Variants in GALNT13 observed in about 807,000 individuals in gnomAD.
GALNT13 encodes polypeptide N-acetylgalactosaminyltransferase 13, also known as UDP-GalNAc:polypeptide N-acetylgalactosaminyltransferase 13.
GALNT13 carries 28 observed loss-of-function variants against 64.2 expected under a neutral mutation model. The observed-to-expected ratio is 0.44, with a 90% CI of 0.32 to 0.60. The LOEUF (loss-of-function observed/expected upper bound fraction) is 0.60, where lower values mean the gene tolerates loss of function less well. GALNT13 is among the 20% of genes least tolerant of loss of function. The pLI, the probability that GALNT13 is intolerant of heterozygous loss-of-function variation, is 0.05. For synonymous variants in GALNT13, 214 were observed against 224.6 expected (o/e 0.95, Z 0.42); for missense variants, 577 against 669.8 (o/e 0.86, Z 1.53).
At chr2:154,374,754 A>T (rs1320437682) in intron 9 of GALNT13, among the ~76,000 whole-genome samples, 1 of 152,168 alleles carries the variant, frequency 6.6e-6, no homozygotes, top group East Asian at 1.9e-4. Flanking sequence ...TGAGGTTTGA[A>T]CTGACAAACC....
chr2:153,757,001 TG>T, the GALNT13 span, among the ~76,000 whole-genome samples: 1 of 152,212 alleles, frequency 6.6e-6, no homozygotes, highest in Admixed American at 6.5e-5. Context: ...TATTTATTTT[TG>T]TTAGCTATTG....
At position 154,349,616 on chromosome 2, in the gene GALNT13, A is replaced by G. The variant is rs147806687; in HGVS notation, c.1157-46375A>G. Among the ~76,000 whole-genome samples the G allele has an allele frequency of 1.9e-3, 288 of 152,336 alleles. 1 individual carries two copies. Among genetic ancestry groups the G allele is most frequent in the African/African-American group, 6.7e-3 (277 of 41,578 alleles). ...TGGCAATTTACTATGATATCATTCA[A>G]ATTGGGAAAGGCCCTAGAAATGGAT... is the stretch of plus-strand genomic sequence containing the variant. On this transcript the variant is annotated intron_variant, in intron 9 of 12. Coordinates refer to ENST00000392825, the MANE Select transcript of GALNT13 (RefSeq NM_052917.4).
the GALNT13 span, among the ~76,000 whole-genome samples, chr2:153,595,350 C>A: frequency 1.3e-5 from 2 of 150,994 alleles, no homozygotes; most frequent in African/African-American, 2.4e-5. Flanking sequence ...ATGAAATGAC[C>A]AAATTTAAAT....
the GALNT13 span, among the ~76,000 whole-genome samples, chr2:153,428,141 G>C: frequency 6.6e-6 from 1 of 152,188 alleles, no homozygotes; most frequent in Non-Finnish European, 1.5e-5. Flanking sequence ...CAGTGGGCAA[G>C]GTTGCTGTAT....
chr2:153,277,908 C>CTTTTCTTTTTTTTT, the GALNT13 span, among the ~76,000 whole-genome samples: 8 of 69,588 alleles, frequency 1.1e-4, no homozygotes, highest in Non-Finnish European at 2.6e-4. Context: ...TTTCTTTTTT[C>CTTTTCTTTTTTTTT]TTTTGTTTTC....
chr2:154,249,081 C>A (rs1000686896), intron 7 of GALNT13, among the ~76,000 whole-genome samples: 1 of 152,028 alleles, frequency 6.6e-6, no homozygotes, highest in South Asian at 2.1e-4. Context: ...AGCAAAGTTA[C>A]CTGATAATGC....
the GALNT13 span, among the ~76,000 whole-genome samples, chr2:153,163,009 G>C: frequency 1.3e-5 from 2 of 152,212 alleles, no homozygotes; most frequent in East Asian, 3.9e-4. Flanking sequence ...CAGAAGAAGA[G>C]GCATTTGCAA....
chr2:153,160,983 G>T, the GALNT13 span, among the ~76,000 whole-genome samples: 2 of 152,124 alleles, frequency 1.3e-5, no homozygotes, highest in African/African-American at 4.8e-5. Context: ...TCTATGCAAG[G>T]TAGGGTTGGC....
At chr2:154,255,354 A>T (rs1433610569) in intron 7 of GALNT13, among the ~76,000 whole-genome samples, 1 of 152,206 alleles carries the variant, frequency 6.6e-6, no homozygotes, top group Non-Finnish European at 1.5e-5. Flanking sequence ...CAAGAAGGTT[A>T]CCAGGGAAGG....
intron 4 of GALNT13, among the ~76,000 whole-genome samples, chr2:154,168,987 G>T (rs990608703): frequency 6.6e-6 from 1 of 152,146 alleles, no homozygotes; most frequent in Non-Finnish European, 1.5e-5. Context: ...AGGGGGAGGG[G>T]AGCCAGTTTG....
chr2:153,125,948 G>GA, the GALNT13 span, among the ~76,000 whole-genome samples: 1 of 151,716 alleles, frequency 6.6e-6, no homozygotes, highest in African/African-American at 2.4e-5. Context: ...GGAGAAAAAA[G>GA]AAAAAATTAA....
At chr2:153,969,841 A>G (rs1261352518) in intron 3 of GALNT13, among the ~76,000 whole-genome samples, 1 of 152,030 alleles carries the variant, frequency 6.6e-6, no homozygotes, top group Middle Eastern at 3.4e-3. Context: ...TTTCATTATT[A>G]TTTTACTTAT....
chr2:154,145,978 A>G (rs942586190), intron 4 of GALNT13, among the ~76,000 whole-genome samples: 2 of 151,922 alleles, frequency 1.3e-5, no homozygotes, highest in Non-Finnish European at 2.9e-5. Flanking sequence ...CAACATTTAT[A>G]TGCTGGTAAA....
At chr2:154,318,772 A>C (rs934502048) in intron 9 of GALNT13, among the ~76,000 whole-genome samples, 3 of 152,096 alleles carry the variant, frequency 2.0e-5, no homozygotes, top group African/African-American at 7.2e-5. Context: ...TGAAAAACAG[A>C]AAACGGCCAA....
chr2:153,227,025 C>T, the GALNT13 span, among the ~76,000 whole-genome samples: 1 of 152,032 alleles, frequency 6.6e-6, no homozygotes, highest in Non-Finnish European at 1.5e-5. Flanking sequence ...GAGAGTGGGG[C>T]AATTCAAGCC....
chr2:153,652,637 A>G, the GALNT13 span, among the ~76,000 whole-genome samples: 6 of 152,044 alleles, frequency 3.9e-5, no homozygotes, highest in South Asian at 1.2e-3. Context: ...AAAATTAGAG[A>G]CAGAAAGATC....
chr2:153,186,268 T>C, the GALNT13 span, among the ~76,000 whole-genome samples: 1 of 152,212 alleles, frequency 6.6e-6, no homozygotes, highest in African/African-American at 2.4e-5. Context: ...TGTCAGAAAC[T>C]AAGATTGCAA....
the GALNT13 span, among the ~76,000 whole-genome samples, chr2:153,172,567 C>G: frequency 6.6e-6 from 1 of 152,060 alleles, no homozygotes; most frequent in Non-Finnish European, 1.5e-5. Flanking sequence ...GAGAACAGGT[C>G]ATGAGCTAGG....
intron 4 of GALNT13, among the ~76,000 whole-genome samples, chr2:154,143,015 G>C (rs781110606): frequency 2.6e-5 from 4 of 152,084 alleles, no homozygotes; most frequent in African/African-American, 9.7e-5. Context: ...GTAGTATGCT[G>C]TAGTGCAATG....
Sources: allele counts gnomAD v4.1 joint callset (sites outside exome capture counted in the v4.1 genomes callset), GRCh38; gene constraint gnomAD v4.1.1; transcripts MANE v1.5; gene names NCBI Gene and HGNC (gene_info 2026-07-23, HGNC 2026-07-21).